The following ATXN2 variants were observed in gnomAD, a reference collection of about 807,000 sequenced individuals.
The protein encoded by ATXN2 is ataxin-2.
A neutral mutation model predicts 138.6 loss-of-function variants in ATXN2; 37 were observed. The observed-to-expected ratio is 0.27, with a 90% CI of 0.21 to 0.35. The LOEUF (loss-of-function observed/expected upper bound fraction) is 0.35, where lower values mean the gene tolerates loss of function less well. Ranked by LOEUF, ATXN2 falls within the 10% of genes least tolerant of loss-of-function variation. ATXN2 has a pLI of 1.00. For missense variants in ATXN2, 1,216 were observed against 1,480.3 expected (o/e 0.82, Z 2.93); for synonymous variants, 549 against 543.7 (o/e 1.01, Z -0.13).
In ATXN2 at chr12:111,453,098, C is replaced by A; in HGVS notation, c.3440-258G>T. 7.9e-7 allele frequency: 1 copy of A among 1,273,668 alleles called. No individual in the cohort carries two copies. Among genetic ancestry groups the A allele is most frequent in the Admixed American group, 3.9e-5 (1 of 25,472 alleles). The allele number at this position is 1,273,668 out of a possible 1,614,324, so 78.9% of individuals were successfully genotyped here. A position where few individuals can be genotyped will look rare whatever the true frequency, so the allele number is the denominator to read the frequency against. On this transcript the variant is annotated intron_variant, in intron 24 of 24. Transcript: ENST00000673436. This position sits in a 1 kb window ranked among gnomAD's most constrained non-coding sequence, Gnocchi z 5.4. Reference sequence around the variant, plus strand: ...CATGGGGTAGAAAAAAAGGCCTTAACAAACCCCCTCCCCAAATATTAGCCA... The same window carrying A: ...CATGGGGTAGAAAAAAAGGCCTTAAAAAACCCCCTCCCCAAATATTAGCCA...
chr12:111,551,264 TC>T (rs146844116), intron 5 of ATXN2, among the ~76,000 whole-genome samples: 2,118 of 143,674 alleles, frequency 0.015, 57 homozygotes, highest in African/African-American at 0.051. Flanking sequence ...GCCACTGCAC[TC>T]CACCCAGGGG....
At chr12:111,485,658 G>A (rs886888024) in intron 17 of ATXN2, 55 bp downstream of exon 17, 3 of 1,593,498 alleles carry the variant, frequency 1.9e-6, no homozygotes, top group Non-Finnish European at 1.7e-6. Flanking sequence ...AGAGTGCTTG[G>A]TGTCAGATAC....
At chr12:111,582,050 T>G (rs1884035049) in intron 1 of ATXN2, among the ~76,000 whole-genome samples, 1 of 152,126 alleles carries the variant, frequency 6.6e-6, no homozygotes, top group African/African-American at 2.4e-5. Flanking sequence ...AAGAAGAATT[T>G]AGGCTGGGTG....
At chr12:111,498,569 G>GA (rs1364183124) in intron 14 of ATXN2, among the ~76,000 whole-genome samples, 1 of 151,996 alleles carries the variant, frequency 6.6e-6, no homozygotes, top group Non-Finnish European at 1.5e-5. Context: ...TGATGACACA[G>GA]AAAAAACATG....
chr12:111,523,973 T>C (rs1487913747), intron 6 of ATXN2, among the ~76,000 whole-genome samples: 1 of 152,100 alleles, frequency 6.6e-6, no homozygotes, highest in African/African-American at 2.4e-5. Flanking sequence ...CAAAAATAAA[T>C]TACTAGAGAT....
intron 5 of ATXN2, among the ~76,000 whole-genome samples, chr12:111,532,237 T>C (rs746167532): frequency 2.1e-4 from 32 of 152,260 alleles, no homozygotes; most frequent in Non-Finnish European, 3.2e-4. Flanking sequence ...TCCCAGCACT[T>C]TGGAAGCCAA....
Position 111,552,171 on chromosome 12 carries a change from A to C in ATXN2, c.571+109T>G. The C allele has an allele frequency of 4.9e-6, 6 of 1,218,326 alleles. No individual in the cohort carries two copies. Among genetic ancestry groups the C allele is most frequent in the Non-Finnish European group, 6.6e-6 (6 of 902,886 alleles). 75.5% of individuals were successfully genotyped at this position (1,218,326 alleles called of 1,614,324 possible). ...GCTAAGATTACAGGAATGAGCCGCC[A>C]TACCCAGCCCAGATATTTCTTTAAA... is the stretch of plus-strand genomic sequence containing the variant. On this transcript the variant is annotated intron_variant, in intron 5 of 24. Transcript: ENST00000673436. The surrounding 1 kb of genome is among the most constrained non-coding windows in gnomAD (Gnocchi z 4.1).
chr12:111,567,873 A>G (rs1315930114), intron 1 of ATXN2, among the ~76,000 whole-genome samples: 1 of 152,228 alleles, frequency 6.6e-6, no homozygotes, highest in Non-Finnish European at 1.5e-5. Context: ...CTTAATTAAC[A>G]AGCAAAACAA....
rs1885105153 is a variant in ATXN2 at position 111,598,987 on chromosome 12, C to CTGT, written c.47_48insACA (p.Gln28dup). The CTGT allele has an allele frequency of 3.4e-6, 5 of 1,465,018 alleles. No individual in the cohort carries two copies. In the African/African-American group the frequency reaches 5.3e-5, roughly 16 times the overall value. 90.8% of individuals were successfully genotyped at this position (1,465,018 alleles called of 1,614,324 possible). A position where few individuals can be genotyped will look rare whatever the true frequency, so the allele number is the denominator to read the frequency against. On this transcript the variant is annotated inframe_insertion, in exon 1 of 25. Coordinates refer to ENST00000673436, the MANE Select transcript of ATXN2 (RefSeq NM_001372574.1). This position sits in a 1 kb window ranked among gnomAD's most constrained non-coding sequence, Gnocchi z 4.5. ...GCTGCTGCTGCTGCTGTTGCTGCTG[C>CTGT]TGCTGCTGCTGCTGCTGCTGCTGCT...
At chr12:111,483,558 T>C (rs1217925547) in intron 18 of ATXN2, among the ~76,000 whole-genome samples, 1 of 148,768 alleles carries the variant, frequency 6.7e-6, no homozygotes, top group African/African-American at 2.5e-5. Flanking sequence ...GTTTTCACCA[T>C]GTTGGCCAGG....
intron 1 of ATXN2, among the ~76,000 whole-genome samples, chr12:111,587,388 G>A (rs964195301): frequency 6.6e-5 from 10 of 152,142 alleles, no homozygotes; most frequent in East Asian, 1.9e-4. Context: ...GGCCAGCCAC[G>A]GTGCCTCACA....
At chr12:111,546,965 T>C (rs569961711) in intron 5 of ATXN2, among the ~76,000 whole-genome samples, 8 of 152,356 alleles carry the variant, frequency 5.3e-5, no homozygotes, top group African/African-American at 1.9e-4. Context: ...GGAACATGTA[T>C]AACATTCAAG....
intron 1 of ATXN2, among the ~76,000 whole-genome samples, chr12:111,579,516 C>T (rs1883866497): frequency 6.6e-6 from 1 of 151,974 alleles, no homozygotes; most frequent in Non-Finnish European, 1.5e-5. Flanking sequence ...CCTGCCTCGG[C>T]CTTCCAAAAT....
intron 21 of ATXN2, among the ~76,000 whole-genome samples, chr12:111,462,626 T>A (rs561966041): frequency 6.6e-6 from 1 of 152,216 alleles, no homozygotes; most frequent in Non-Finnish European, 1.5e-5. Context: ...GCAGCCCAAC[T>A]GTTAGTTTCT....
At chr12:111,521,082 A>T (rs1880133949) in intron 6 of ATXN2, 109 bp from the exon 7 acceptor site, 1 of 695,800 alleles carries the variant, frequency 1.4e-6, no homozygotes, top group African/African-American at 1.9e-5. Flanking sequence ...CTTGAGCAAA[A>T]TTAGCAAATT....
intron 21 of ATXN2, among the ~76,000 whole-genome samples, chr12:111,462,716 T>C (rs952454272): frequency 6.6e-6 from 1 of 152,194 alleles, no homozygotes; most frequent in Non-Finnish European, 1.5e-5. Context: ...TTAAGGACCT[T>C]AGCTACTTAC....
intron 18 of ATXN2, among the ~76,000 whole-genome samples, chr12:111,475,125 AATGGC>A (rs1876703468): frequency 6.6e-6 from 1 of 151,904 alleles, no homozygotes; most frequent in Non-Finnish European, 1.5e-5. Context: ...GAGGCAGGAG[AATGGC>A]ATGAACCCAA....
chr12:111,588,664 C>G (rs1264306099), intron 1 of ATXN2, among the ~76,000 whole-genome samples: 1 of 151,176 alleles, frequency 6.6e-6, no homozygotes, highest in Non-Finnish European at 1.5e-5. Flanking sequence ...ACAGCTGTGA[C>G]AAGTTTTCAT....
chr12:111,457,501 A>T (rs1329988738), intron 21 of ATXN2, 142 bp from the exon 22 acceptor site: 1 of 919,238 alleles, frequency 1.1e-6, no homozygotes, highest in Non-Finnish European at 1.6e-6. Flanking sequence ...GACTCCATTT[A>T]AACCATCCAT....
Sources: allele counts gnomAD v4.1 joint callset (sites outside exome capture counted in the v4.1 genomes callset), GRCh38; gene constraint gnomAD v4.1.1; non-coding constraint Gnocchi (gnomAD v3.1); transcripts MANE v1.5; gene names NCBI Gene and HGNC (gene_info 2026-07-23, HGNC 2026-07-21).